The following UGT1A10 variants were observed in gnomAD, a reference collection of about 807,000 sequenced individuals.
UGT1A10 encodes the protein UDP glucuronosyltransferase family 1 member A10.
Under a neutral mutation model 45.8 loss-of-function variants are expected in UGT1A10, and 49 were observed. That is an observed-to-expected ratio of 1.07 (90% CI 0.85 to 1.36). The LOEUF (loss-of-function observed/expected upper bound fraction) is 1.36, where lower values mean the gene tolerates loss of function less well. Among genes scored for constraint, UGT1A10 ranks in the 40% most tolerant of loss-of-function variants. The pLI is 0.00. For missense variants in UGT1A10, 745 were observed against 668.6 expected (o/e 1.11, Z -1.26); for synonymous variants, 284 against 249.7 (o/e 1.14, Z -1.29).
intron 1 of UGT1A10, among the ~76,000 whole-genome samples, chr2:233,749,857 C>T (rs2125901015): frequency 6.6e-6 from 1 of 152,096 alleles, no homozygotes; most frequent in Middle Eastern, 3.4e-3. Flanking sequence ...CTCTCTCTCA[C>T]TTTCTGCCAG....
rs548179341 is a variant in UGT1A10 at position 233,739,425 on chromosome 2, G to A, written c.856-27609G>A. ...GCCACCCTCTGAAAGCAGCCAGGACGAGGGCTTTACCCTGCAAAGCCACAG... is the reference window on the plus strand; with the variant it reads ...GCCACCCTCTGAAAGCAGCCAGGACAAGGGCTTTACCCTGCAAAGCCACAG... On this transcript the variant is annotated intron_variant, in intron 1 of 4. Transcript: ENST00000344644. Among the ~76,000 whole-genome samples the A allele has an allele frequency of 5.9e-5, 9 of 152,320 alleles. No individual in the cohort carries two copies. The East Asian group carries it at 7.7e-4, about 13-fold the overall frequency.
At chr2:233,718,724 G>T (rs1307207827) in intron 1 of UGT1A10, 4 of 1,610,176 alleles carry the variant, frequency 2.5e-6, no homozygotes, top group Non-Finnish European at 3.4e-6. Flanking sequence ...ATGCTGATTT[G>T]CTAGGTGGCT....
chr2:233,645,713 G>C (rs2125469404), intron 1 of UGT1A10, among the ~76,000 whole-genome samples: 1 of 152,336 alleles, frequency 6.6e-6, no homozygotes, highest in East Asian at 1.9e-4. Flanking sequence ...GAGTTCCCAT[G>C]GTCTTAGGCA....
intron 1 of UGT1A10, among the ~76,000 whole-genome samples, chr2:233,687,049 C>T (rs1461225199): frequency 6.6e-6 from 1 of 152,186 alleles, no homozygotes; most frequent in Non-Finnish European, 1.5e-5. Flanking sequence ...AGCACGCGGA[C>T]CCTGGAGTCC....
At position 233,672,151 on chromosome 2, in the gene UGT1A10, A is replaced by G. The variant is rs749791560; in HGVS notation, c.855+34774A>G. 1.7e-5 allele frequency: 28 copies of G among 1,614,110 alleles called. No individual in the cohort carries two copies. In the South Asian group the frequency reaches 2.3e-4, roughly 13 times the overall value. On this transcript the variant is annotated intron_variant, in intron 1 of 4. Transcript: ENST00000344644. ...GCAACTGGGAAGATCACTGAATTGC[A>G]CAGTGAAGACTTATTCAACTTCATA...
chr2:233,641,560 A>G (rs576224662), intron 1 of UGT1A10, among the ~76,000 whole-genome samples: 1 of 152,350 alleles, frequency 6.6e-6, no homozygotes, highest in East Asian at 1.9e-4. Context: ...TTACAATGTT[A>G]TAATATTCTG....
intron 1 of UGT1A10, among the ~76,000 whole-genome samples, chr2:233,677,237 C>G (rs2074384774): frequency 6.6e-6 from 1 of 152,180 alleles, no homozygotes; most frequent in Admixed American, 6.5e-5. Flanking sequence ...CAGTCTTTCA[C>G]ATCCTTTGTC....
intron 1 of UGT1A10, among the ~76,000 whole-genome samples, chr2:233,726,454 A>C (rs1306425444): frequency 2.6e-5 from 4 of 152,216 alleles, no homozygotes; most frequent in African/African-American, 9.6e-5. Context: ...CACTGAATGT[A>C]AGCTCATTTC....
At chr2:233,764,892 GC>G (rs759147783) in intron 1 of UGT1A10, among the ~76,000 whole-genome samples, 77 of 150,328 alleles carry the variant, frequency 5.1e-4, no homozygotes, top group Non-Finnish European at 1.0e-3. Context: ...CAAAGACAAA[GC>G]CCTTAAGAGC....
intron 1 of UGT1A10, among the ~76,000 whole-genome samples, chr2:233,728,671 C>T (rs1367179022): frequency 6.6e-6 from 1 of 152,178 alleles, no homozygotes; most frequent in Non-Finnish European, 1.5e-5. Flanking sequence ...GTTACTCATA[C>T]ATGAGAAGAA....
chr2:233,659,827 A>G (rs1006083572), intron 1 of UGT1A10, among the ~76,000 whole-genome samples: 5 of 152,242 alleles, frequency 3.3e-5, no homozygotes, highest in African/African-American at 4.8e-5. Flanking sequence ...AGCAGTCTTC[A>G]ATAATCGGAA....
chr2:233,748,790 T>G (rs913029718), intron 1 of UGT1A10, among the ~76,000 whole-genome samples: 4 of 151,342 alleles, frequency 2.6e-5, no homozygotes, highest in African/African-American at 9.8e-5. Context: ...CTACTTGGAA[T>G]GCTGAAATTA....
chr2:233,668,733 A>T (rs967918105), intron 1 of UGT1A10, among the ~76,000 whole-genome samples: 2 of 152,092 alleles, frequency 1.3e-5, no homozygotes, highest in African/African-American at 4.8e-5. Context: ...ATTTATCACA[A>T]CTCATTAATC....
rs866643747 is a variant in UGT1A10, at chr2:233,725,306, A to G, written c.856-41728A>G. On this transcript the variant is annotated intron_variant, in intron 1 of 4. Coordinates refer to ENST00000344644, the MANE Select transcript of UGT1A10 (RefSeq NM_019075.4). ...CAGAGGCAGAGGCAGAGGCAGAGGC[A>G]GAGGCAGAGGCGCCTGGTCAACAAT... Among the ~76,000 whole-genome samples the G allele has an allele frequency of 8.2e-5, 7 of 85,472 alleles. 1 individual carries two copies. In the East Asian group the frequency reaches 1.3e-3, roughly 16 times the overall value. The allele number at this position is 85,472 out of a possible 152,430, so 56.1% of individuals were successfully genotyped here.
At chr2:233,741,279 G>A (rs1389443810) in intron 1 of UGT1A10, among the ~76,000 whole-genome samples, 1 of 151,738 alleles carries the variant, frequency 6.6e-6, no homozygotes, top group Non-Finnish European at 1.5e-5. Flanking sequence ...TGAACAATGG[G>A]ATTTATGTAC....
rs112085732 is a variant in UGT1A10 at position 233,747,405 on chromosome 2, G to T, written c.856-19629G>T. The T allele has an allele frequency of 4.4e-6, 7 of 1,607,054 alleles. No homozygotes were observed. In the African/African-American group the frequency reaches 6.7e-5, roughly 15 times the overall value. ...CCAGGCGGTGGTCCTCACCCCAGAG[G>T]TGAATATGCACATCAAACAAGAGAA... On this transcript the variant is annotated intron_variant, in intron 1 of 4. Coordinates refer to ENST00000344644, the MANE Select transcript of UGT1A10 (RefSeq NM_019075.4).
intron 1 of UGT1A10, chr2:233,739,012 T>A (rs1690960444): frequency 6.6e-6 from 1 of 152,230 alleles, no homozygotes; most frequent in Admixed American, 6.5e-5. Context: ...TCCCAGTGGC[T>A]CCAGCCATGG....
intron 1 of UGT1A10, among the ~76,000 whole-genome samples, chr2:233,638,290 T>C (rs961653425): frequency 1.3e-5 from 2 of 152,244 alleles, no homozygotes; most frequent in Admixed American, 6.5e-5. Context: ...CTTTAGAAAC[T>C]ATTTTGTACA....
intron 1 of UGT1A10, chr2:233,747,857 C>A (rs1438723140): frequency 6.2e-7 from 1 of 1,613,396 alleles, no homozygotes; most frequent in Non-Finnish European, 8.5e-7. Context: ...AGAACATGCT[C>A]TACCCTCTGG....
Sources: allele counts gnomAD v4.1 joint callset (sites outside exome capture counted in the v4.1 genomes callset), GRCh38; gene constraint gnomAD v4.1.1; transcripts MANE v1.5; gene names NCBI Gene and HGNC (gene_info 2026-07-23, HGNC 2026-07-21).